Variants in PRKCE observed in about 807,000 individuals in gnomAD.
PRKCE encodes protein kinase C epsilon type.
In PRKCE, 16 loss-of-function variants were observed where a neutral mutation model predicts 85.4. The observed-to-expected ratio is 0.19, with a 90% CI of 0.13 to 0.28. PRKCE has a LOEUF of 0.28. PRKCE is among the 10% of genes least tolerant of loss of function. The pLI is 1.00. For missense variants in PRKCE, 573 were observed against 975.2 expected, an observed-to-expected ratio of 0.59 and a Z score of 5.49; for synonymous variants, 388 against 371.5, an observed-to-expected ratio of 1.04 and a Z score of -0.51.
At chr2:46,057,454 A>G (rs1190335238) in intron 10 of PRKCE, among the ~76,000 whole-genome samples, 6 of 148,176 alleles carry the variant, frequency 4.0e-5, no homozygotes. Context: ...TTTTTTTTTG[A>G]GTCGGAGTTT....
At chr2:46,006,744 G>T (rs1298207139) in intron 8 of PRKCE, among the ~76,000 whole-genome samples, 2 of 152,338 alleles carry the variant, frequency 1.3e-5, no homozygotes, top group South Asian at 4.2e-4. Flanking sequence ...GGTAATTCAG[G>T]TCATAAGCTC....
At chr2:45,875,366 CA>C (rs1694396830) in intron 2 of PRKCE, among the ~76,000 whole-genome samples, 2 of 152,350 alleles carry the variant, frequency 1.3e-5, no homozygotes, top group African/African-American at 4.8e-5. Flanking sequence ...CCTGCTAATG[CA>C]ATGTCCACAA....
chr2:45,956,868 C>T (rs1209130587), intron 2 of PRKCE, among the ~76,000 whole-genome samples: 1 of 152,168 alleles, frequency 6.6e-6, no homozygotes, highest in East Asian at 1.9e-4. Flanking sequence ...TGGTATTTCA[C>T]TGTCGTTTTA....
At chr2:45,831,378 A>G (rs976860330) in intron 1 of PRKCE, among the ~76,000 whole-genome samples, 5 of 152,244 alleles carry the variant, frequency 3.3e-5, no homozygotes, top group African/African-American at 1.2e-4. Flanking sequence ...GGTTAAGAGT[A>G]AAGACAAAAA....
chr2:46,053,906 G>A (rs1666306683), intron 10 of PRKCE, among the ~76,000 whole-genome samples: 2 of 152,178 alleles, frequency 1.3e-5, no homozygotes, highest in South Asian at 4.1e-4. Flanking sequence ...GACTCATATA[G>A]TAGTTCTCCT....
chr2:46,048,153 A>T (rs977493101), intron 10 of PRKCE, among the ~76,000 whole-genome samples: 2 of 149,576 alleles, frequency 1.3e-5, no homozygotes, highest in East Asian at 2.0e-4. Context: ...TGACTTGCTT[A>T]TGGGCACTTA....
At chr2:45,902,467 G>T (rs1696650560) in intron 2 of PRKCE, among the ~76,000 whole-genome samples, 1 of 152,188 alleles carries the variant, frequency 6.6e-6, no homozygotes, top group South Asian at 2.1e-4. Context: ...AGATAGAAAT[G>T]AAGTAATCAG....
chr2:46,105,509 C>T (rs1174667397), intron 11 of PRKCE, among the ~76,000 whole-genome samples: 1 of 150,796 alleles, frequency 6.6e-6, no homozygotes, highest in Non-Finnish European at 1.5e-5. Flanking sequence ...AGATGTCAGG[C>T]AACCACAGAT....
rs1558514312 is a variant in PRKCE at position 46,159,174 on chromosome 2, G to T, written c.1921-432G>T. On this transcript the variant is annotated intron_variant, in intron 13 of 14. Coordinates refer to ENST00000306156, the MANE Select transcript of PRKCE (RefSeq NM_005400.3). This position sits in a 1 kb window ranked among gnomAD's most constrained non-coding sequence, Gnocchi z 4.1. ...CAAAAAGGACCGTTGACCCCTCCAT[G>T]TAAATGAGTTTATCAGACCTCAGTC... 6.6e-6 allele frequency among the ~76,000 whole-genome samples: 1 copy of T among 152,140 alleles called. No individual in the cohort carries two copies. The highest frequency in any genetic ancestry group is 1.5e-5 in the Non-Finnish European group (1 of 68,014).
intron 14 of PRKCE, among the ~76,000 whole-genome samples, chr2:46,166,095 G>A (rs374080730): frequency 6.5e-4 from 99 of 152,294 alleles, no homozygotes; most frequent in African/African-American, 2.0e-3. Context: ...CGGGACCCCC[G>A]AGGGAGGCCT....
At chr2:46,090,668 CA>C (rs1670080169) in intron 11 of PRKCE, among the ~76,000 whole-genome samples, 1 of 152,162 alleles carries the variant, frequency 6.6e-6, no homozygotes, top group Admixed American at 6.5e-5. Flanking sequence ...GAAAACACCC[CA>C]TTTCCTCTTA....
At chr2:45,706,546 G>T (rs1012260013) in intron 1 of PRKCE, among the ~76,000 whole-genome samples, 2 of 152,210 alleles carry the variant, frequency 1.3e-5, no homozygotes, top group Admixed American at 6.5e-5. Flanking sequence ...GCAGGAGTCA[G>T]ATTGGGTTCC....
At chr2:45,733,601 T>TGA (rs1399652810) in intron 1 of PRKCE, among the ~76,000 whole-genome samples, 1 of 152,122 alleles carries the variant, frequency 6.6e-6, no homozygotes, top group African/African-American at 2.4e-5. Context: ...CTGGCCTCGT[T>TGA]GAGAGGGTGA....
At chr2:45,768,274 G>T (rs546811695) in intron 1 of PRKCE, among the ~76,000 whole-genome samples, 1 of 152,336 alleles carries the variant, frequency 6.6e-6, no homozygotes, top group East Asian at 1.9e-4. Context: ...TATATTATGG[G>T]AATGCTTTTT....
intron 11 of PRKCE, among the ~76,000 whole-genome samples, chr2:46,090,952 T>C (rs74461210): frequency 0.024 from 3,683 of 152,302 alleles, 97 homozygotes; most frequent in East Asian, 0.11. Flanking sequence ...GCCTTCCTGT[T>C]GGAATTGATA....
intron 1 of PRKCE, among the ~76,000 whole-genome samples, chr2:45,800,270 G>C (rs1687754017): frequency 6.6e-6 from 1 of 152,240 alleles, no homozygotes; most frequent in South Asian, 2.1e-4. Context: ...AAATAAGAAA[G>C]GACTGAACGG....
intron 2 of PRKCE, among the ~76,000 whole-genome samples, chr2:45,900,766 C>T (rs191136680): frequency 7.2e-5 from 11 of 152,288 alleles, no homozygotes; most frequent in South Asian, 2.1e-4. Flanking sequence ...ATTTTAACCA[C>T]GTTTGTGTAA....
rs1343118410 is a variant in PRKCE at position 46,159,145 on chromosome 2, A to T, written c.1921-461A>T. 6.6e-6 allele frequency among the ~76,000 whole-genome samples: 1 copy of T among 152,200 alleles called. No homozygotes were observed. The highest frequency in any genetic ancestry group is 1.5e-5 in the Non-Finnish European group (1 of 68,036). On this transcript the variant is annotated intron_variant, in intron 13 of 14. Coordinates refer to ENST00000306156, the MANE Select transcript of PRKCE (RefSeq NM_005400.3). The surrounding 1 kb of genome is among the most constrained non-coding windows in gnomAD (Gnocchi z 4.1). ...ATCATTTACCTGGTCCTTATTCCTT[A>T]TCTCAAAAAGGACCGTTGACCCCTC...
At position 46,084,450 on chromosome 2, in the gene PRKCE, A is replaced by G. The variant is rs555438829; in HGVS notation, c.1438-1758A>G. 2.0e-4 allele frequency among the ~76,000 whole-genome samples: 31 copies of G among 152,302 alleles called. No homozygotes were observed. In the East Asian group the frequency reaches 2.3e-3, roughly 11 times the overall value. ...TATGTGTTAAAAATGTGAGCCGGGC[A>G]CGGTGGCTCATGCCTATAATCCCAG... On this transcript the variant is annotated intron_variant, in intron 10 of 14. Coordinates refer to ENST00000306156, the MANE Select transcript of PRKCE (RefSeq NM_005400.3).
Sources: gnomAD v4.1 joint callset for allele counts (sites outside exome capture counted in the v4.1 genomes callset) on GRCh38, gnomAD v4.1.1 for gene constraint, Gnocchi (gnomAD v3.1) non-coding constraint, MANE v1.5 for transcripts, NCBI Gene and HGNC (gene_info 2026-07-23, HGNC 2026-07-21) for gene names.